Variants in EFHD1 observed in about 807,000 individuals in gnomAD.
EFHD1 encodes EF-hand domain-containing protein D1.
In EFHD1, 10 loss-of-function variants were observed where a neutral mutation model predicts 17.2. The ratio of observed to expected loss-of-function variants is 0.58; its 90% CI spans 0.36 to 0.99. The LOEUF (loss-of-function observed/expected upper bound fraction) is 0.99, where lower values mean the gene tolerates loss of function less well. Ranked by LOEUF, EFHD1 falls within the 50% of genes least tolerant of loss-of-function variation. EFHD1 has a pLI of 0.01. For missense variants in EFHD1, 310 were observed against 327.5 expected (o/e 0.95, Z 0.41); for synonymous variants, 153 against 142.0 (o/e 1.08, Z -0.55).
chr2:232,648,082 A>T (rs1000731143), intron 1 of EFHD1, among the ~76,000 whole-genome samples: 2 of 152,176 alleles, frequency 1.3e-5, no homozygotes, highest in Non-Finnish European at 2.9e-5. Flanking sequence ...TTTACAAAAA[A>T]TATGAAAAAC....
intron 1 of EFHD1, among the ~76,000 whole-genome samples, chr2:232,624,267 G>C (rs1326685268): frequency 6.6e-6 from 1 of 152,144 alleles, no homozygotes; most frequent in South Asian, 2.1e-4. Context: ...GCCCCCTGGG[G>C]GTGCTCCCTA....
intron 1 of EFHD1, among the ~76,000 whole-genome samples, chr2:232,643,304 A>G (rs1159363919): frequency 2.0e-5 from 3 of 151,992 alleles, no homozygotes; most frequent in African/African-American, 4.8e-5. Flanking sequence ...TCCCTGAGGG[A>G]TGGAGCCAAA....
intron 1 of EFHD1, among the ~76,000 whole-genome samples, chr2:232,642,973 C>T (rs55761442): frequency 0.019 from 2,948 of 152,222 alleles, 69 homozygotes; most frequent in East Asian, 0.078. Flanking sequence ...TGGATGAGGG[C>T]GTCCAGAGGA....
intron 2 of EFHD1, among the ~76,000 whole-genome samples, chr2:232,667,639 G>A (rs1003565787): frequency 6.6e-6 from 1 of 151,852 alleles, no homozygotes; most frequent in East Asian, 1.9e-4. Context: ...TGCAACCTCC[G>A]CCTCCCGGGT....
chr2:232,660,479 T>C (rs1332436611), intron 1 of EFHD1, among the ~76,000 whole-genome samples: 4 of 151,842 alleles, frequency 2.6e-5, no homozygotes, highest in East Asian at 1.9e-4. Flanking sequence ...GGATTACAGG[T>C]GTGAGCCACT....
At chr2:232,680,271 T>C (rs1314268456) in intron 3 of EFHD1, among the ~76,000 whole-genome samples, 1 of 149,134 alleles carries the variant, frequency 6.7e-6, no homozygotes. Flanking sequence ...TGAGACTCTG[T>C]CTAAAAAAAA....
At chr2:232,655,378 C>T (rs1267419565) in intron 1 of EFHD1, among the ~76,000 whole-genome samples, 2 of 152,174 alleles carry the variant, frequency 1.3e-5, no homozygotes, top group Non-Finnish European at 1.5e-5. Flanking sequence ...AGAAGTGCTT[C>T]TCAGAGGGTT....
intron 3 of EFHD1, among the ~76,000 whole-genome samples, chr2:232,679,997 G>A (rs1402597931): frequency 6.6e-6 from 1 of 152,140 alleles, no homozygotes; most frequent in Non-Finnish European, 1.5e-5. Flanking sequence ...ATAAGGCTGG[G>A]TGTGGTGGCT....
At chr2:232,644,942 ATT>A (rs752790323) in intron 1 of EFHD1, among the ~76,000 whole-genome samples, 200 of 114,364 alleles carry the variant, frequency 1.7e-3, no homozygotes, top group African/African-American at 5.9e-3. Context: ...ATGCCTGGCA[ATT>A]TTTTTTTTTT....
chr2:232,644,927 C>T (rs190931535), intron 1 of EFHD1, among the ~76,000 whole-genome samples: 4 of 150,456 alleles, frequency 2.7e-5, no homozygotes, highest in Admixed American at 6.6e-5. Context: ...CAGGCGTGAG[C>T]CACCATGCCT....
At chr2:232,677,207 TACACACACACACAC>T (rs61607311) in intron 3 of EFHD1, among the ~76,000 whole-genome samples, 9 of 131,364 alleles carry the variant, frequency 6.9e-5, no homozygotes, top group South Asian at 2.5e-4. Context: ...ACCCCATCTC[TACACACACACACAC>T]ACACACACAC....
chr2:232,606,225 G>C, intron 1 of EFHD1: 1 of 1,543,420 alleles, frequency 6.5e-7, no homozygotes, highest in South Asian at 1.2e-5. Context: ...GATTTTCGAC[G>C]TTTTCCAGGC....
Position 232,681,650 on chromosome 2 carries a change from G to A in EFHD1, c.651G>A (p.Lys217=). The change falls in exon 4 of 4, where the codon AAG becomes AAA. Residue 217 remains lysine, a synonymous_variant. Coordinates refer to ENST00000264059, the MANE Select transcript of EFHD1 (RefSeq NM_025202.4). The stretch of plus-strand genomic sequence containing the variant: ...TGAAAGCTGAGCAAGATGAGCGGAA[G>A]CGGGAGGAGGAGGAGAGGCGGCTCC... ...AELKAEQDER[K]REEEERRLRQ... 6.2e-7 allele frequency: 1 copy of A among 1,614,278 alleles called. No individual in the cohort carries two copies. Among genetic ancestry groups the A allele is most frequent in the Non-Finnish European group, 8.5e-7 (1 of 1,180,046 alleles).
At chr2:232,606,279 T>C in intron 1 of EFHD1, 2 of 1,378,202 alleles carry the variant, frequency 1.5e-6, no homozygotes, top group Non-Finnish European at 2.0e-6. Flanking sequence ...AATTCCTGGC[T>C]TTCGCCACCG....
At chr2:232,681,436 A>T (rs1695280348) in intron 3 of EFHD1, 149 bp from the exon 4 acceptor site, 5 of 1,147,006 alleles carry the variant, frequency 4.4e-6, no homozygotes, top group Middle Eastern at 6.0e-4. Flanking sequence ...GGCCACACGG[A>T]AAGAGTGCTT....
rs545442909 is a variant in EFHD1, at chr2:232,639,421, C to G, written c.302+5415C>G. On this transcript the variant is annotated intron_variant, in intron 1 of 3. Coordinates refer to ENST00000264059, the MANE Select transcript of EFHD1 (RefSeq NM_025202.4). ...TGTTGCCTAGGCTGGTCTTGAACTCCTAGGCTCAGGTGATTCTCTTGTCTC... is the reference window on the plus strand; with the variant it reads ...TGTTGCCTAGGCTGGTCTTGAACTCGTAGGCTCAGGTGATTCTCTTGTCTC... 9.9e-4 allele frequency among the ~76,000 whole-genome samples: 150 copies of G among 152,006 alleles called. 1 individual carries two copies. Among genetic ancestry groups the G allele is most frequent in the South Asian group, 8.1e-3 (39 of 4,804 alleles).
At chr2:232,616,380 C>A (rs1184310740) in intron 1 of EFHD1, among the ~76,000 whole-genome samples, 1 of 152,036 alleles carries the variant, frequency 6.6e-6, no homozygotes, top group Non-Finnish European at 1.5e-5. Flanking sequence ...CTCACGGCAA[C>A]CTCCGCCTCC....
chr2:232,633,492 C>T, upstream of EFHD1: 2 of 1,252,370 alleles, frequency 1.6e-6, no homozygotes, highest in Non-Finnish European at 2.0e-6. Flanking sequence ...TCCCACCAGG[C>T]TGGCAGTCGC....
At chr2:232,634,911 C>T (rs1338372798) in intron 1 of EFHD1, among the ~76,000 whole-genome samples, 1 of 152,202 alleles carries the variant, frequency 6.6e-6, no homozygotes, top group Admixed American at 6.5e-5. Context: ...AGGCCGCCGG[C>T]CAGGTCATGC....
Sources: gnomAD v4.1 joint callset for allele counts (sites outside exome capture counted in the v4.1 genomes callset) on GRCh38, gnomAD v4.1.1 for gene constraint, MANE v1.5 for transcripts, NCBI Gene and HGNC (gene_info 2026-07-23, HGNC 2026-07-21) for gene names.